Variants in AFF3 observed in about 807,000 individuals in gnomAD.
AFF3 encodes AF4/FMR2 family member 3.
A neutral mutation model predicts 129.7 loss-of-function variants in AFF3; 32 were observed. The observed-to-expected ratio is 0.25, with a 90% CI of 0.19 to 0.33. The LOEUF is 0.33. Ranked by LOEUF, AFF3 falls within the 10% of genes least tolerant of loss-of-function variation. The pLI is 1.00. For missense variants in AFF3, 1,373 were observed against 1,592.0 expected, an observed-to-expected ratio of 0.86 and a Z score of 2.34; for synonymous variants, 644 against 635.4, an observed-to-expected ratio of 1.01 and a Z score of -0.20.
chr2:99,769,529 TTTTCCTG>T (rs750554319), intron 8 of AFF3, among the ~76,000 whole-genome samples: 12 of 152,236 alleles, frequency 7.9e-5, no homozygotes, highest in Non-Finnish European at 1.3e-4. Flanking sequence ...GGTGAGGCTG[TTTTCCTG>T]GATGATGTTG....
intron 13 of AFF3, among the ~76,000 whole-genome samples, chr2:99,604,027 G>C (rs894479194): frequency 3.9e-5 from 6 of 152,192 alleles, no homozygotes; most frequent in Non-Finnish European, 1.5e-5. Flanking sequence ...ACTGGTAGAA[G>C]TGTAAATTAG....
intron 21 of AFF3, among the ~76,000 whole-genome samples, chr2:99,559,924 A>G (rs571234138): frequency 2.8e-4 from 43 of 152,254 alleles, no homozygotes; most frequent in Non-Finnish European, 5.9e-5. Flanking sequence ...AAGGAACTAT[A>G]GGTTACCCGA....
chr2:99,913,153 C>A (rs1160795216), intron 7 of AFF3, among the ~76,000 whole-genome samples: 1 of 152,190 alleles, frequency 6.6e-6, no homozygotes, highest in Non-Finnish European at 1.5e-5. Context: ...TCTTATTCAG[C>A]TATAGCCCCT....
intron 9 of AFF3, among the ~76,000 whole-genome samples, chr2:99,745,497 C>A (rs1414680022): frequency 1.3e-5 from 2 of 152,124 alleles, no homozygotes; most frequent in African/African-American, 4.8e-5. Context: ...AGATTTAAAC[C>A]TATGTTTTCC....
chr2:99,553,359 A>G (rs1313965638), intron 24 of AFF3, among the ~76,000 whole-genome samples: 1 of 152,202 alleles, frequency 6.6e-6, no homozygotes, highest in Non-Finnish European at 1.5e-5. Flanking sequence ...GCACTCTGCC[A>G]TACATTCCTT....
chr2:100,010,894 G>T (rs2104769393), intron 4 of AFF3, among the ~76,000 whole-genome samples: 1 of 152,266 alleles, frequency 6.6e-6, no homozygotes, highest in Non-Finnish European at 1.5e-5. Context: ...ACTGCAGATG[G>T]ATATGAAGTA....
At chr2:99,574,569 G>A (rs1356123009) in intron 18 of AFF3, among the ~76,000 whole-genome samples, 1 of 152,102 alleles carries the variant, frequency 6.6e-6, no homozygotes, top group Non-Finnish European at 1.5e-5. Flanking sequence ...TCTTCCCTGG[G>A]AATGTAATTT....
At chr2:100,107,331 G>A (rs1691346890) in intron 2 of AFF3, 1 of 985,216 alleles carries the variant, frequency 1.0e-6, no homozygotes. Flanking sequence ...TTATCCTCCA[G>A]CCTCTGGGTA....
chr2:99,626,154 TG>T (rs1682519063), intron 13 of AFF3, among the ~76,000 whole-genome samples: 1 of 152,150 alleles, frequency 6.6e-6, no homozygotes. Flanking sequence ...TTGGTAGAAA[TG>T]TTGGAATTTA....
At chr2:99,955,512 G>A (rs930224911) in intron 7 of AFF3, among the ~76,000 whole-genome samples, 4 of 152,046 alleles carry the variant, frequency 2.6e-5, no homozygotes, top group Non-Finnish European at 5.9e-5. Flanking sequence ...ACAAAAAAAA[G>A]ATGAATTTTA....
chr2:99,557,438 C>A (rs941482538), intron 22 of AFF3, among the ~76,000 whole-genome samples: 8 of 152,082 alleles, frequency 5.3e-5, no homozygotes, highest in African/African-American at 1.4e-4. Flanking sequence ...TGCCACCACG[C>A]CTGGCGTGTT....
intron 12 of AFF3, among the ~76,000 whole-genome samples, chr2:99,669,845 G>T (rs1394594377): frequency 2.0e-5 from 3 of 152,114 alleles, no homozygotes; most frequent in Non-Finnish European, 4.4e-5. Flanking sequence ...AGCTACTTAG[G>T]AGGCCGAGGC....
At chr2:100,107,342 T>A in intron 2 of AFF3, 1 of 985,448 alleles carries the variant, frequency 1.0e-6, no homozygotes, top group African/African-American at 1.7e-5. Flanking sequence ...CCTCTGGGTA[T>A]GCAAACCAAA....
chr2:99,797,934 G>A (rs1451526346), intron 8 of AFF3, among the ~76,000 whole-genome samples: 2 of 152,182 alleles, frequency 1.3e-5, no homozygotes, highest in East Asian at 3.9e-4. Context: ...CAGAAGGAAA[G>A]TGCTAACAGA....
At chr2:100,014,783 C>CTTTTTTTTTTTTTTT (rs60456923) in intron 4 of AFF3, among the ~76,000 whole-genome samples, 5 of 120,416 alleles carry the variant, frequency 4.2e-5, no homozygotes, top group African/African-American at 1.3e-4. Context: ...ACCTTGCTTC[C>CTTTTTTTTTTTTTTT]TTTTTTTTTT....
rs542197285 is a variant in AFF3, at chr2:99,935,944, TA to T, written c.873+70687del. On this transcript the variant is annotated intron_variant, in intron 7 of 24. Coordinates refer to ENST00000672756, the MANE Select transcript of AFF3 (RefSeq NM_001386135.1). Reference sequence around the variant, plus strand: ...AACTTCAAATAAAAGGTCTTCCCAGTAAGTAACCCGGTTACTCGTCCTCAGT... The same window carrying T: ...AACTTCAAATAAAAGGTCTTCCCAGTAGTAACCCGGTTACTCGTCCTCAGT... 2.1e-3 allele frequency among the ~76,000 whole-genome samples: 321 copies of T among 152,318 alleles called. 3 individuals are homozygous for T. The highest frequency in any genetic ancestry group is 7.4e-3 in the African/African-American group (307 of 41,580).
chr2:100,030,932 T>C (rs111509148), intron 4 of AFF3, among the ~76,000 whole-genome samples: 6 of 152,284 alleles, frequency 3.9e-5, no homozygotes, highest in African/African-American at 9.6e-5. Context: ...AAATTAAGCA[T>C]TGGTCAAAAT....
rs71252505 is a variant in AFF3 at position 99,551,153 on chromosome 2, G to GGTGTGT, written c.*315_*320dup. On this transcript the variant is annotated 3_prime_UTR_variant, in exon 25 of 25. Transcript: ENST00000672756. ...TGTCTGTGATTGTGTGTGAGTGTAC[G>GGTGTGT]GTGTGTGTGTGTGTGTGTGTGTGTG... The GGTGTGT allele has an allele frequency of 2.0e-4, 88 of 439,372 alleles. No individual in the cohort carries two copies. Among genetic ancestry groups the GGTGTGT allele is most frequent in the Admixed American group, 5.9e-4 (16 of 27,046 alleles). 27.2% of individuals were successfully genotyped at this position (439,372 alleles called of 1,614,324 possible).
chr2:100,109,184 A>G (rs1209243501), intron 2 of AFF3, among the ~76,000 whole-genome samples: 1 of 148,694 alleles, frequency 6.7e-6, no homozygotes, highest in African/African-American at 2.5e-5. Context: ...AAACAAAGAT[A>G]ATTTCAAAAG....
Sources: gnomAD v4.1 joint callset for allele counts (sites outside exome capture counted in the v4.1 genomes callset) on GRCh38, gnomAD v4.1.1 for gene constraint, MANE v1.5 for transcripts, NCBI Gene and HGNC (gene_info 2026-07-23, HGNC 2026-07-21) for gene names.